USP42: variants seen among roughly 807,000 people sequenced by gnomAD.
USP42 encodes ubiquitin carboxyl-terminal hydrolase 42.
Under a neutral mutation model 113.0 loss-of-function variants are expected in USP42, and 23 were observed. That is an observed-to-expected ratio of 0.20 (90% CI 0.15 to 0.29). The LOEUF is 0.29. USP42 is among the 10% of genes least tolerant of loss of function. The pLI is 1.00. For synonymous variants in USP42, 933 were observed against 699.0 expected, an observed-to-expected ratio of 1.33 and a Z score of -5.28; for missense variants, 2,174 against 1,779.8, an observed-to-expected ratio of 1.22 and a Z score of -3.99.
chr7:6,116,120 A>C (rs1779898753), intron 3 of USP42, among the ~76,000 whole-genome samples: 1 of 150,810 alleles, frequency 6.6e-6, no homozygotes, highest in Admixed American at 6.6e-5. Context: ...AAAAAAAAAA[A>C]ACGTCTGATG....
chr7:6,155,219 C>T, intron 15 of USP42, 24 bp downstream of exon 15: 1 of 1,504,664 alleles, frequency 6.6e-7, no homozygotes, highest in Non-Finnish European at 8.8e-7. Context: ...CTTGTGCTCC[C>T]CGAGGCGCTG....
intron 2 of USP42, among the ~76,000 whole-genome samples, chr7:6,114,670 ATATATATATTTTTTTTTTTT>A (rs1299026877): frequency 5.0e-5 from 2 of 39,702 alleles, no homozygotes; most frequent in Admixed American, 3.2e-4. Flanking sequence ...ATATATATAT[ATATATATATTTTTTTTTTTT>A]TTTTTTTTTT....
At chr7:6,106,926 A>G (rs1467173632) in intron 1 of USP42, among the ~76,000 whole-genome samples, 1 of 152,224 alleles carries the variant, frequency 6.6e-6, no homozygotes, top group Non-Finnish European at 1.5e-5. Flanking sequence ...TGTTGCTTAC[A>G]AGTTCTGATA....
At chr7:6,126,409 C>T (rs1162088673) in intron 3 of USP42, among the ~76,000 whole-genome samples, 3 of 152,076 alleles carry the variant, frequency 2.0e-5, no homozygotes, top group East Asian at 1.9e-4. Context: ...CTCAGCCTCC[C>T]GAGTAGCTGG....
rs528679030 is a variant in USP42, at chr7:6,121,159, A to T, written c.442+5636A>T. 2.7e-4 allele frequency among the ~76,000 whole-genome samples: 41 copies of T among 152,024 alleles called. 1 individual carries two copies. Among genetic ancestry groups the T allele is most frequent in the South Asian group, 1.2e-3 (6 of 4,806 alleles). On this transcript the variant is annotated intron_variant, in intron 3 of 17. Transcript: ENST00000306177. ...TTAATTTTTCTTGCTGTTTTTTTCT[A>T]GTAAAGAGACCTCCATTACATTGTT...
chr7:6,144,020 C>T (rs770964455), intron 8 of USP42, 65 bp from the exon 9 acceptor site: 117 of 1,111,214 alleles, frequency 1.1e-4, no homozygotes, highest in Non-Finnish European at 1.4e-4. Context: ...ACAAGAAAGA[C>T]CAAAATACCA....
chr7:6,107,062 T>C (rs1007794645), intron 1 of USP42, among the ~76,000 whole-genome samples: 1 of 152,242 alleles, frequency 6.6e-6, no homozygotes, highest in African/African-American at 2.4e-5. Context: ...GAGTTTAGTT[T>C]GATGCCTGAT....
intron 2 of USP42, among the ~76,000 whole-genome samples, chr7:6,114,654 G>GTGTATATATA (rs1158477996): frequency 2.9e-5 from 2 of 69,274 alleles, no homozygotes; most frequent in African/African-American, 1.7e-4. Flanking sequence ...GTATGTGTGT[G>GTGTATATATA]TGTATATATA....
intron 8 of USP42, 25 bp from the exon 9 acceptor site, chr7:6,144,060 T>C (rs970952101): frequency 6.9e-7 from 1 of 1,442,930 alleles, no homozygotes; most frequent in South Asian, 1.3e-5. Context: ...CGTCTTCTTA[T>C]ACTTTTGTTT....
At position 6,157,658 on chromosome 7, in the gene USP42, T is replaced by C. The variant is rs776176715; in HGVS notation, c.3943+603T>C. Among the ~76,000 whole-genome samples, 2 of 152,212 alleles carry C rather than the reference T, an allele frequency of 1.3e-5. No homozygotes were observed. Among genetic ancestry groups the C allele is most frequent in the Admixed American group, 1.3e-4 (2 of 15,280 alleles). On this transcript the variant is annotated intron_variant, in intron 16 of 17. Coordinates refer to ENST00000306177, the MANE Select transcript of USP42 (RefSeq NM_032172.3). The surrounding 1 kb of genome is among the most constrained non-coding windows in gnomAD (Gnocchi z 4.1). ...TAAAGCATTTTTGATAGAAATACTT[T>C]TGCAGCGTATACGTTACTCTCCCGA... is the stretch of plus-strand genomic sequence containing the variant.
chr7:6,101,982 A>G (rs1277337639), upstream of USP42, among the ~76,000 whole-genome samples: 1 of 150,508 alleles, frequency 6.6e-6, no homozygotes. Context: ...CTGAGGCAGA[A>G]GAATTGCTTG....
chr7:6,151,863 G>T lies in USP42; in HGVS notation c.2201+1357G>T, dbSNP rs930680787. On this transcript the variant is annotated intron_variant, in intron 14 of 17. Transcript: ENST00000306177. ...GCATCACCACACTCACGAGGCACGC[G>T]TTGCCCTTGGACTGTTACAGTGACG... is the stretch of plus-strand genomic sequence containing the variant. Among the ~76,000 whole-genome samples, 4 of 152,154 alleles carry T rather than the reference G, an allele frequency of 2.6e-5. 1 individual carries two copies. The highest frequency in any genetic ancestry group is 2.6e-4 in the Admixed American group (4 of 15,276).
chr7:6,154,859 G>C lies in USP42; in HGVS notation c.3305G>C (p.Gly1102Ala). The C allele has an allele frequency of 6.5e-7, 1 of 1,528,038 alleles. No homozygotes were observed. The highest frequency in any genetic ancestry group is 8.8e-7 in the Non-Finnish European group (1 of 1,135,706). 94.7% of individuals were successfully genotyped at this position (1,528,038 alleles called of 1,614,324 possible). ...AAGGACCACAACCGGGGCCGTAGGG[G>C]CTGCGAGCCGGCCCGGGAGAGGGAG... ...PHKDHNRGRR[G>A]CEPARERERH... The change falls in exon 15 of 18, where the codon GGC (glycine) becomes GCC (alanine). Residue 1102 changes from glycine (G) to alanine (A), a missense_variant. By Grantham distance (60) the Gly-to-Ala change is moderately conservative (BLOSUM62 0). Coordinates refer to ENST00000306177, the MANE Select transcript of USP42 (RefSeq NM_032172.3).
In USP42 at chr7:6,161,191, T is replaced by A. The variant is rs909198728; in HGVS notation, c.*673T>A. On this transcript the variant is annotated 3_prime_UTR_variant, in exon 18 of 18. Coordinates refer to ENST00000306177, the MANE Select transcript of USP42 (RefSeq NM_032172.3). ...CAGACATGATTTGTAAAGCCGACAG[T>A]ATGTTTCTATTACACAACACTTTTT... 6 of 152,692 alleles carry A rather than the reference T, an allele frequency of 3.9e-5. No individual in the cohort carries two copies. The highest frequency in any genetic ancestry group is 7.3e-5 in the Non-Finnish European group (5 of 68,048). 9.5% of individuals were successfully genotyped at this position (152,692 alleles called of 1,614,324 possible).
Position 6,154,602 on chromosome 7 carries a change from G to C in USP42, c.3048G>C (p.Arg1016Ser). The C allele has an allele frequency of 6.3e-7, 1 of 1,585,920 alleles. No individual in the cohort carries two copies. Among genetic ancestry groups the C allele is most frequent in the Non-Finnish European group, 8.6e-7 (1 of 1,168,274 alleles). Residue 1016 changes from arginine (R) to serine (S), a missense_variant, in exon 15 of 18, where the codon AGG becomes AGC. Transcript: ENST00000306177. Reference sequence around the variant, plus strand: ...CTGGCGAGCGCCGCTCTCTGGGCAGGTGCAGTCACCACCACTCCCGACACC... The same window carrying C: ...CTGGCGAGCGCCGCTCTCTGGGCAGCTGCAGTCACCACCACTCCCGACACC... ...LSPGERRSLG[R>S]CSHHHSRHRS...
At chr7:6,109,107 G>C (rs1465517919) in intron 1 of USP42, among the ~76,000 whole-genome samples, 1 of 152,204 alleles carries the variant, frequency 6.6e-6, no homozygotes, top group African/African-American at 2.4e-5. Flanking sequence ...TGGGGGAATG[G>C]TGATGTCAAG....
At chr7:6,089,151 TCTC>T in the USP42 span, among the ~76,000 whole-genome samples, 1 of 150,512 alleles carries the variant, frequency 6.6e-6, no homozygotes, top group Non-Finnish European at 1.5e-5. Context: ...TTCACGCCAT[TCTC>T]CTGCCTCAGC....
At chr7:6,092,054 TTTCTTCTTC>T in the USP42 span, among the ~76,000 whole-genome samples, 1 of 37,908 alleles carries the variant, frequency 2.6e-5, no homozygotes, top group Non-Finnish European at 7.4e-5. Flanking sequence ...CTTCTTCTTC[TTTCTTCTTC>T]TTCTTCTTCT....
At chr7:6,140,488 A>C (rs750865219) in intron 6 of USP42, among the ~76,000 whole-genome samples, 12 of 151,708 alleles carry the variant, frequency 7.9e-5, no homozygotes, top group Non-Finnish European at 1.5e-4. Flanking sequence ...CGACAGTTGG[A>C]GTAGTGTTCC....
Sources: allele counts gnomAD v4.1 joint callset (sites outside exome capture counted in the v4.1 genomes callset), GRCh38; gene constraint gnomAD v4.1.1; non-coding constraint Gnocchi (gnomAD v3.1); transcripts MANE v1.5; gene names NCBI Gene and HGNC (gene_info 2026-07-23, HGNC 2026-07-21).